The following ANKHD1 variants were observed in gnomAD, a reference collection of about 807,000 sequenced individuals.
ANKHD1 encodes the protein ankyrin repeat and KH domain-containing protein 1.
Under a neutral mutation model 230.5 loss-of-function variants are expected in ANKHD1, and 31 were observed. The ratio of observed to expected loss-of-function variants is 0.13; its 90% CI spans 0.10 to 0.18. The LOEUF is 0.18. Ranked by LOEUF, ANKHD1 falls within the 10% of genes least tolerant of loss-of-function variation. ANKHD1 has a pLI of 1.00. For synonymous variants in ANKHD1, 1,074 were observed against 1,117.6 expected, an observed-to-expected ratio of 0.96 and a Z score of 0.78; for missense variants, 2,256 against 3,071.3, an observed-to-expected ratio of 0.73 and a Z score of 6.27.
intron 29 of ANKHD1, chr5:140,531,248 T>C (rs1372110125): frequency 1.0e-5 from 4 of 394,208 alleles, no homozygotes; most frequent in Non-Finnish European, 2.0e-5. Flanking sequence ...TGATGCTCTT[T>C]TCACGGATAT....
Position 140,535,276 on chromosome 5 carries a change from G to A in ANKHD1, c.6851-86G>A, listed in dbSNP as rs1754021410. ...ATTTATTTGTTTGGTTATTTTTACA[G>A]CTTATCTCACTTTGGTGGAAGTCTT... On this transcript the variant is annotated intron_variant, in intron 29 of 33. Coordinates refer to ENST00000360839, the MANE Select transcript of ANKHD1 (RefSeq NM_017747.3). 7 of 1,492,656 alleles carry A rather than the reference G, an allele frequency of 4.7e-6. No homozygotes were observed. The Admixed American group carries it at 9.8e-5, about 21-fold the overall frequency. 92.5% of individuals were successfully genotyped at this position (1,492,656 alleles called of 1,614,324 possible).
At chr5:140,498,867 T>TA (rs397702730) in intron 15 of ANKHD1, among the ~76,000 whole-genome samples, 3 of 151,478 alleles carry the variant, frequency 2.0e-5, no homozygotes, top group Non-Finnish European at 3.0e-5. Flanking sequence ...TTTTTTTTTT[T>TA]AAAGAATGTA....
intron 24 of ANKHD1, among the ~76,000 whole-genome samples, chr5:140,520,737 C>T (rs1352222649): frequency 2.9e-5 from 4 of 136,306 alleles, no homozygotes; most frequent in Non-Finnish European, 6.1e-5. Context: ...AATGAGAACA[C>T]ATGGACACAG....
At position 140,482,063 on chromosome 5, in the gene ANKHD1, G is replaced by C. The variant is rs140078716; in HGVS notation, c.1783-517G>C. Among the ~76,000 whole-genome samples, 134 of 151,882 alleles carry C rather than the reference G, an allele frequency of 8.8e-4. No individual in the cohort carries two copies. The East Asian group carries it at 0.011, about 12-fold the overall frequency. ...GTATCTTTTGCCTTTGACTATTCAA[G>C]TATTTAATTTCTACTTAAAAAAAAA... On this transcript the variant is annotated intron_variant, in intron 10 of 33. Transcript: ENST00000360839.
chr5:140,539,106 T>C (rs1561846031), intron 33 of ANKHD1, 23 bp downstream of exon 33: 1 of 1,575,658 alleles, frequency 6.3e-7, no homozygotes, highest in South Asian at 1.2e-5. Context: ...TAATGCTCTT[T>C]TGTTTTTTAG....
In ANKHD1 at chr5:140,504,848, C is replaced by G. The variant is rs1450746791; in HGVS notation, c.3032C>G (p.Ser1011Cys). The change falls in exon 16 of 34, where the codon TCC becomes TGC. Residue 1011 changes from serine (S) to cysteine (C), a missense_variant. Physicochemically the swap from Ser to Cys is moderately radical, Grantham distance 112. Coordinates refer to ENST00000360839, the MANE Select transcript of ANKHD1 (RefSeq NM_017747.3). ...GTGAGTACCAGAGTGCCCACTGGTT[C>G]CAACAGTTCTTCTCAGACCACAGAG... is the stretch of plus-strand genomic sequence containing the variant. ...AAVSTRVPTG[S>C]NSSSQTTECL... 6.2e-7 allele frequency: 1 copy of G among 1,613,746 alleles called. No individual in the cohort carries two copies. Among genetic ancestry groups the G allele is most frequent in the Non-Finnish European group, 8.5e-7 (1 of 1,179,960 alleles).
Position 140,485,500 on chromosome 5 carries a change from A to G in ANKHD1, c.1999-89A>G. On this transcript the variant is annotated intron_variant, in intron 12 of 33. Transcript: ENST00000360839. This position sits in a 1 kb window ranked among gnomAD's most constrained non-coding sequence, Gnocchi z 4.8. ...ATATGTTTGATCTATCTTAGTGCTT[A>G]GTATTTAATACTGTTTAAATGAGTT... 6.6e-7 allele frequency: 1 copy of G among 1,524,280 alleles called. No individual in the cohort carries two copies. The highest frequency in any genetic ancestry group is 8.8e-7 in the Non-Finnish European group (1 of 1,132,954). 94.4% of individuals were successfully genotyped at this position (1,524,280 alleles called of 1,614,324 possible).
chr5:140,413,276 AT>A (rs959083173), intron 1 of ANKHD1, among the ~76,000 whole-genome samples: 2 of 152,136 alleles, frequency 1.3e-5, no homozygotes, highest in African/African-American at 2.4e-5. Context: ...CATTTTAACC[AT>A]TTTTTTGTTT....
chr5:140,530,431 T>G (rs1229326592), intron 29 of ANKHD1, among the ~76,000 whole-genome samples: 1 of 152,210 alleles, frequency 6.6e-6, no homozygotes, highest in Non-Finnish European at 1.5e-5. Flanking sequence ...CAGGCTGGTC[T>G]CGAACTCCTG....
At chr5:140,520,600 T>TAA (rs1352898194) in intron 24 of ANKHD1, among the ~76,000 whole-genome samples, 1 of 151,782 alleles carries the variant, frequency 6.6e-6, no homozygotes, top group Non-Finnish European at 1.5e-5. Flanking sequence ...TATGCAGCCA[T>TAA]AAAAAATGAT....
At chr5:140,474,325 TCAAA>T (rs1465004328) in intron 10 of ANKHD1, among the ~76,000 whole-genome samples, 3 of 152,140 alleles carry the variant, frequency 2.0e-5, no homozygotes, top group African/African-American at 7.2e-5. Context: ...ACGTACAGTA[TCAAA>T]CAGTCTCCCT....
rs555088048 is a variant in ANKHD1, at chr5:140,442,291, G to A, written c.913+1149G>A. 3.9e-5 allele frequency among the ~76,000 whole-genome samples: 6 copies of A among 151,962 alleles called. No individual in the cohort carries two copies. The South Asian group carries it at 6.2e-4, about 16-fold the overall frequency. On this transcript the variant is annotated intron_variant, in intron 5 of 33. Coordinates refer to ENST00000360839, the MANE Select transcript of ANKHD1 (RefSeq NM_017747.3). ...ACTCCTGATCTCATGTGATCTGCCC[G>A]CCTCAGCCTCCCAAAGTGCTGGGAT...
intron 1 of ANKHD1, among the ~76,000 whole-genome samples, chr5:140,427,281 C>T (rs1772530297): frequency 1.4e-5 from 2 of 146,648 alleles, no homozygotes; most frequent in Admixed American, 6.7e-5. Flanking sequence ...GGGCTGACCC[C>T]CCCACCTCCC....
intron 10 of ANKHD1, among the ~76,000 whole-genome samples, chr5:140,467,388 A>G (rs140392732): frequency 6.6e-6 from 1 of 152,206 alleles, no homozygotes; most frequent in Non-Finnish European, 1.5e-5. Flanking sequence ...CTTAATTTTA[A>G]TATTATTTCT....
At chr5:140,494,419 C>CA (rs1751936603) in intron 14 of ANKHD1, among the ~76,000 whole-genome samples, 1 of 152,042 alleles carries the variant, frequency 6.6e-6, no homozygotes, top group South Asian at 2.1e-4. Flanking sequence ...CCAGGCTGAG[C>CA]AACATAGCAA....
rs543891564 is a variant in ANKHD1, at chr5:140,424,225, G to T, written c.307-11879G>T. On this transcript the variant is annotated intron_variant, in intron 1 of 33. Coordinates refer to ENST00000360839, the MANE Select transcript of ANKHD1 (RefSeq NM_017747.3). ...ACTAGCTACTATATATATATAGAGA[G>T]AGAGAGAGAGAGAGAGACAGAGACA... Among the ~76,000 whole-genome samples, 820 of 150,316 alleles carry T rather than the reference G, an allele frequency of 5.5e-3. 2 individuals carry two copies. The highest frequency in any genetic ancestry group is 0.017 in the African/African-American group (692 of 39,946).
intron 24 of ANKHD1, among the ~76,000 whole-genome samples, chr5:140,520,236 C>T (rs1427259998): frequency 6.6e-6 from 1 of 152,188 alleles, no homozygotes; most frequent in African/African-American, 2.4e-5. Context: ...GAGATACCAT[C>T]TCACACCAGT....
intron 1 of ANKHD1, among the ~76,000 whole-genome samples, chr5:140,421,686 G>T (rs1174966015): frequency 6.6e-6 from 1 of 152,140 alleles, no homozygotes; most frequent in Non-Finnish European, 1.5e-5. Flanking sequence ...AGCCAGTATT[G>T]TCACAGTCTT....
At chr5:140,479,164 A>T (rs1751127683) in intron 10 of ANKHD1, among the ~76,000 whole-genome samples, 3 of 150,360 alleles carry the variant, frequency 2.0e-5, no homozygotes, top group Admixed American at 6.6e-5. Context: ...CGCCCGGCTA[A>T]TTTTGTTTTT....
Sources: allele counts gnomAD v4.1 joint callset (sites outside exome capture counted in the v4.1 genomes callset), GRCh38; gene constraint gnomAD v4.1.1; non-coding constraint Gnocchi (gnomAD v3.1); transcripts MANE v1.5; gene names NCBI Gene and HGNC (gene_info 2026-07-23, HGNC 2026-07-21).